DNMBP: variants seen among roughly 807,000 people sequenced by gnomAD.
The protein encoded by DNMBP is dynamin binding protein.
Under a neutral mutation model 150.0 loss-of-function variants are expected in DNMBP, and 87 were observed. The ratio of observed to expected loss-of-function variants is 0.58; its 90% CI spans 0.49 to 0.69. The LOEUF (loss-of-function observed/expected upper bound fraction) is 0.69. Ranked by LOEUF, DNMBP falls within the 30% of genes least tolerant of loss-of-function variation. The pLI, the probability that DNMBP is intolerant of heterozygous loss-of-function variation, is 0.00. For missense variants in DNMBP, 1,774 were observed against 1,949.0 expected, an observed-to-expected ratio of 0.91 and a Z score of 1.69; for synonymous variants, 711 against 750.4, an observed-to-expected ratio of 0.95 and a Z score of 0.86.
intron 4 of DNMBP, among the ~76,000 whole-genome samples, chr10:99,949,446 T>C (rs2040395588): frequency 6.6e-6 from 1 of 152,224 alleles, no homozygotes. Context: ...AGAGAAGTAA[T>C]GCCTGGTGCT....
intron 11 of DNMBP, among the ~76,000 whole-genome samples, chr10:99,890,616 G>A (rs2039541511): frequency 6.6e-6 from 1 of 152,096 alleles, no homozygotes; most frequent in South Asian, 2.1e-4. Context: ...GAAGCAGCAA[G>A]ACAAAGAAAC....
At chr10:99,957,271 T>G in intron 3 of DNMBP, 66 bp from the exon 4 acceptor site, 1 of 1,363,990 alleles carries the variant, frequency 7.3e-7, no homozygotes, top group Non-Finnish European at 1.0e-6. Context: ...TCACGACTAA[T>G]AGTGCAACCT....
At chr10:99,997,927 CAAAAAAAAAA>C (rs71009798) in intron 1 of DNMBP, among the ~76,000 whole-genome samples, 3 of 22,326 alleles carry the variant, frequency 1.3e-4, no homozygotes, top group African/African-American at 3.5e-4. Context: ...GACTCTGTCT[CAAAAAAAAAA>C]AAAAAAAAAA....
rs780977934 is a variant in DNMBP at position 99,884,178 on chromosome 10, C to T, written c.3830G>A (p.Arg1277Gln). Residue 1277 changes from arginine to glutamine, a missense_variant, in exon 15 of 17, where the codon CGG (arginine) becomes CAG (glutamine). By Grantham distance (43) the Arg-to-Gln change is conservative (BLOSUM62 1). Transcript: ENST00000324109. ...GGGATACCTGGCCAGGAGGGAGGCCCGGAGTTCTTCTGACTGTAGCATGTA... is the reference window on the plus strand; with the variant it reads ...GGGATACCTGGCCAGGAGGGAGGCCTGGAGTTCTTCTGACTGTAGCATGTA... ...PSYMLQSEEL[R>Q]ASLLARYPPE... 51 of 1,613,570 alleles carry T rather than the reference C, an allele frequency of 3.2e-5. No homozygotes were observed. The highest frequency in any genetic ancestry group is 3.8e-5 in the Non-Finnish European group (45 of 1,180,016).
At position 99,888,944 on chromosome 10, in the gene DNMBP, A is replaced by G; in HGVS notation, c.3166T>C (p.Cys1056Arg). 6.2e-7 allele frequency: 1 copy of G among 1,614,188 alleles called. No individual in the cohort carries two copies. The change falls in exon 12 of 17, where the codon TGT becomes CGT. Residue 1056 changes from cysteine to arginine, a missense_variant. Transcript: ENST00000324109. ...CTCACAGCAGCCACCACTTTCACAC[A>G]TGCGGACTCCTGGAGCCAGTTAGGA... ...LYLQHIRESA[C>R]VKVVAAVSMW...
chr10:99,940,925 C>T (rs956017337), intron 4 of DNMBP, among the ~76,000 whole-genome samples: 1 of 152,158 alleles, frequency 6.6e-6, no homozygotes, highest in African/African-American at 2.4e-5. Context: ...AACTTTTTCA[C>T]CCAGGCTGGA....
intron 6 of DNMBP, among the ~76,000 whole-genome samples, chr10:99,907,380 C>T (rs1443145349): frequency 1.3e-5 from 2 of 151,122 alleles, no homozygotes; most frequent in Non-Finnish European, 2.9e-5. Flanking sequence ...ACTTACAGTG[C>T]ATTCTGATAT....
chr10:99,960,548 G>C (rs180695097), intron 3 of DNMBP, among the ~76,000 whole-genome samples: 8 of 152,178 alleles, frequency 5.3e-5, no homozygotes, highest in African/African-American at 1.9e-4. Flanking sequence ...GCTCACGCCT[G>C]TAATCCCAGC....
chr10:99,935,689 C>T (rs542503694), intron 4 of DNMBP, among the ~76,000 whole-genome samples: 9 of 152,194 alleles, frequency 5.9e-5, no homozygotes, highest in African/African-American at 1.4e-4. Context: ...CTCAGCCTCT[C>T]GAGTAGCTGG....
intron 11 of DNMBP, 157 bp from the exon 12 acceptor site, chr10:99,889,110 C>A: frequency 2.5e-6 from 2 of 801,432 alleles, no homozygotes; most frequent in Non-Finnish European, 3.8e-6. Flanking sequence ...AGCATATTTT[C>A]ATAAACTATG....
chr10:99,876,848 C>T lies in DNMBP; in HGVS notation c.*303G>A, dbSNP rs1430629684. 1 of 283,592 alleles carries T rather than the reference C, an allele frequency of 3.5e-6. No individual in the cohort carries two copies. The highest frequency in any genetic ancestry group is 7.4e-5 in the East Asian group (1 of 13,456). The allele number at this position is 283,592 out of a possible 1,614,324, so 17.6% of individuals were successfully genotyped here. ...CACAGCTTCCTGCATACATAGGACA[C>T]TGGGCTTCTGACTGCAAGTTTCTCC... On this transcript the variant is annotated 3_prime_UTR_variant, in exon 17 of 17. Coordinates refer to ENST00000324109, the MANE Select transcript of DNMBP (RefSeq NM_015221.4).
intron 1 of DNMBP, among the ~76,000 whole-genome samples, chr10:99,986,612 AAAAAAAAAAAAAAC>A (rs1430199884): frequency 3.2e-4 from 37 of 116,470 alleles, no homozygotes; most frequent in African/African-American, 9.9e-4. Flanking sequence ...AAAAAAAAAA[AAAAAAAAAAAAAAC>A]CTGCAAGGCA....
At position 99,915,128 on chromosome 10, in the gene DNMBP, TAC is replaced by T. The variant is rs1554863109; in HGVS notation, c.2261-5984_2261-5983del. Among the ~76,000 whole-genome samples the T allele has an allele frequency of 3.9e-3, 496 of 126,112 alleles. 9 individuals are homozygous for T. The highest frequency in any genetic ancestry group is 0.014 in the African/African-American group (438 of 31,224). 82.7% of individuals were successfully genotyped at this position (126,112 alleles called of 152,430 possible). A position where few individuals can be genotyped will look rare whatever the true frequency, so the allele number is the denominator to read the frequency against. On this transcript the variant is annotated intron_variant, in intron 4 of 16. Coordinates refer to ENST00000324109, the MANE Select transcript of DNMBP (RefSeq NM_015221.4). ...AAAAAAATATATATATATATATATA[TAC>T]ACACACACACATATATATACATATA... is the stretch of plus-strand genomic sequence containing the variant.
At chr10:99,911,578 C>A (rs1165149014) in intron 4 of DNMBP, among the ~76,000 whole-genome samples, 3 of 151,882 alleles carry the variant, frequency 2.0e-5, no homozygotes, top group Non-Finnish European at 4.4e-5. Flanking sequence ...GAAAAAAAAA[C>A]TGCATGTGGA....
intron 1 of DNMBP, among the ~76,000 whole-genome samples, chr10:100,005,786 C>CAAAAAAAAAAAAAAAAAAAAAAA (rs1589458237): frequency 9.9e-5 from 10 of 101,076 alleles, no homozygotes; most frequent in African/African-American, 1.9e-4. Context: ...AAAAAAAAAC[C>CAAAAAAAAAAAAAAAAAAAAAAA]AAACTACATA....
chr10:99,947,371 T>C (rs1014128421), intron 4 of DNMBP, among the ~76,000 whole-genome samples: 2 of 152,182 alleles, frequency 1.3e-5, no homozygotes, highest in African/African-American at 4.8e-5. Context: ...CATAAAATAG[T>C]ATGTAGCCAC....
At chr10:99,942,067 C>T (rs997168893) in intron 4 of DNMBP, among the ~76,000 whole-genome samples, 7 of 152,280 alleles carry the variant, frequency 4.6e-5, no homozygotes, top group Admixed American at 2.0e-4. Flanking sequence ...ACAACTGTGC[C>T]GTTGCTCTAG....
chr10:100,002,023 T>G (rs1013765687), intron 1 of DNMBP, among the ~76,000 whole-genome samples: 6 of 152,092 alleles, frequency 3.9e-5, no homozygotes, highest in African/African-American at 1.4e-4. Context: ...ACAAGTTAAT[T>G]GTAAGTTTTC....
At position 99,935,809 on chromosome 10, in the gene DNMBP, C is replaced by T. The variant is rs185940647; in HGVS notation, c.2260+19405G>A. On this transcript the variant is annotated intron_variant, in intron 4 of 16. Coordinates refer to ENST00000324109, the MANE Select transcript of DNMBP (RefSeq NM_015221.4). ...GAACTCCTGACCTGAGGTGATCCTG[C>T]GCACCTCGGCCTCCCGAAGTGCTGG... is the stretch of plus-strand genomic sequence containing the variant. Among the ~76,000 whole-genome samples, 729 of 152,246 alleles carry T rather than the reference C, an allele frequency of 4.8e-3. 17 individuals are homozygous for T. The highest frequency in any genetic ancestry group is 0.031 in the East Asian group (160 of 5,184).
Sources: allele counts gnomAD v4.1 joint callset (sites outside exome capture counted in the v4.1 genomes callset), GRCh38; gene constraint gnomAD v4.1.1; transcripts MANE v1.5; gene names NCBI Gene and HGNC (gene_info 2026-07-23, HGNC 2026-07-21).